The following ATXN7L1 variants were observed in gnomAD, a reference collection of about 807,000 sequenced individuals.
The protein encoded by ATXN7L1 is ataxin 7 like 1, also known as ataxin-7-like protein 1.
ATXN7L1 carries 15 observed loss-of-function variants against 70.8 expected under a neutral mutation model. The observed-to-expected ratio is 0.21, with a 90% CI of 0.14 to 0.33. The LOEUF is 0.33. Among genes scored for constraint, ATXN7L1 ranks in the 10% least tolerant of loss-of-function variants. The pLI, the probability that ATXN7L1 is intolerant of heterozygous loss-of-function variation, is 1.00. For missense variants in ATXN7L1, 975 were observed against 1,097.1 expected (o/e 0.89, Z 1.57); for synonymous variants, 440 against 445.1 (o/e 0.99, Z 0.14).
chr7:105,822,961 A>T (rs1810367612), intron 2 of ATXN7L1, among the ~76,000 whole-genome samples: 2 of 152,232 alleles, frequency 1.3e-5, no homozygotes, highest in Admixed American at 1.3e-4. Flanking sequence ...AATTAAATAC[A>T]CATACTCTTG....
chr7:105,848,547 T>C (rs146353951), intron 2 of ATXN7L1, among the ~76,000 whole-genome samples: 1 of 152,314 alleles, frequency 6.6e-6, no homozygotes, highest in East Asian at 1.9e-4. Context: ...TACAATGGAA[T>C]ACTTAATAAC....
chr7:105,623,977 A>G (rs1276385292), intron 8 of ATXN7L1, 98 bp downstream of exon 8: 10 of 1,139,070 alleles, frequency 8.8e-6, no homozygotes, highest in African/African-American at 1.6e-5. Flanking sequence ...CTGCGCAGGC[A>G]GCCTTGCCTT....
chr7:105,786,779 T>C (rs1804368408), intron 3 of ATXN7L1, among the ~76,000 whole-genome samples: 1 of 152,090 alleles, frequency 6.6e-6, no homozygotes, highest in Non-Finnish European at 1.5e-5. Context: ...CCTCCTAAAG[T>C]GCTCGGATTA....
intron 2 of ATXN7L1, among the ~76,000 whole-genome samples, chr7:105,793,245 G>C (rs1805514203): frequency 6.6e-6 from 1 of 152,186 alleles, no homozygotes; most frequent in African/African-American, 2.4e-5. Context: ...GGTGAGGTTG[G>C]GAGCAGAGGG....
intron 3 of ATXN7L1, among the ~76,000 whole-genome samples, chr7:105,754,672 C>A (rs1199932020): frequency 1.3e-5 from 2 of 152,142 alleles, no homozygotes; most frequent in Non-Finnish European, 2.9e-5. Flanking sequence ...GTTGGCCAGG[C>A]TGGTCTTGAA....
At chr7:105,677,950 C>A in intron 3 of ATXN7L1, 1 of 985,444 alleles carries the variant, frequency 1.0e-6, no homozygotes, top group East Asian at 1.1e-4. Flanking sequence ...ACTCACCCCA[C>A]AGACTGTCGT....
At chr7:105,671,014 G>A (rs1360163086) in intron 3 of ATXN7L1, among the ~76,000 whole-genome samples, 3 of 151,384 alleles carry the variant, frequency 2.0e-5, no homozygotes, top group South Asian at 2.1e-4. Flanking sequence ...GGCTGAGGCA[G>A]GAGAATGGCG....
At chr7:105,657,325 T>C (rs1225185448) in intron 4 of ATXN7L1, among the ~76,000 whole-genome samples, 1 of 151,956 alleles carries the variant, frequency 6.6e-6, no homozygotes, top group Non-Finnish European at 1.5e-5. Context: ...ACCATTGAAT[T>C]GAAAAAACCA....
Position 105,821,542 on chromosome 7 carries a change from A to G in ATXN7L1, c.251-32834T>C, listed in dbSNP as rs1585085018. ...TTGAATGGCGTAGAAGATTGATTGT[A>G]TGGGTATCAGAGAGAGGAGTCACTA... On this transcript the variant is annotated intron_variant, in intron 2 of 11. Coordinates refer to ENST00000419735, the MANE Select transcript of ATXN7L1 (RefSeq NM_020725.2). Among the ~76,000 whole-genome samples the G allele has an allele frequency of 2.6e-5, 4 of 152,196 alleles. No homozygotes were observed. The South Asian group carries it at 8.3e-4, about 31-fold the overall frequency.
chr7:105,771,201 G>A (rs868675103), intron 3 of ATXN7L1, among the ~76,000 whole-genome samples: 2 of 139,250 alleles, frequency 1.4e-5, no homozygotes, highest in Non-Finnish European at 1.5e-5. Context: ...CTCCGTCTCT[G>A]ATAATAATAA....
chr7:105,658,406 T>C (rs1478207705), intron 4 of ATXN7L1, among the ~76,000 whole-genome samples: 2 of 152,050 alleles, frequency 1.3e-5, no homozygotes, highest in South Asian at 2.1e-4. Context: ...AATTGTAATA[T>C]AAGTGTAAGT....
At chr7:105,867,013 C>T (rs1817585551) in intron 2 of ATXN7L1, among the ~76,000 whole-genome samples, 1 of 152,200 alleles carries the variant, frequency 6.6e-6, no homozygotes, top group Non-Finnish European at 1.5e-5. Context: ...GATATAAATG[C>T]AACCAACCCG....
At chr7:105,618,025 T>C in intron 9 of ATXN7L1, 1 of 456,676 alleles carries the variant, frequency 2.2e-6, no homozygotes, top group Non-Finnish European at 4.4e-6. Context: ...TGTTGCTCAG[T>C]GACAGCAGAT....
At chr7:105,870,725 T>C (rs564496800) in intron 2 of ATXN7L1, among the ~76,000 whole-genome samples, 1 of 152,274 alleles carries the variant, frequency 6.6e-6, no homozygotes, top group South Asian at 2.1e-4. Flanking sequence ...AGGAGGAAAT[T>C]ATTTGAAAAG....
intron 3 of ATXN7L1, among the ~76,000 whole-genome samples, chr7:105,677,034 C>T (rs1230668692): frequency 6.6e-6 from 1 of 152,206 alleles, no homozygotes; most frequent in African/African-American, 2.4e-5. Flanking sequence ...GCTTGCCAGG[C>T]CCCGTGGAGG....
intron 2 of ATXN7L1, among the ~76,000 whole-genome samples, chr7:105,841,439 C>A (rs1285741039): frequency 1.3e-5 from 2 of 152,234 alleles, no homozygotes; most frequent in Admixed American, 6.5e-5. Flanking sequence ...AGTGGAAAAT[C>A]CCAGAAGTAA....
At chr7:105,752,776 G>A (rs1034461061) in intron 3 of ATXN7L1, among the ~76,000 whole-genome samples, 2 of 152,164 alleles carry the variant, frequency 1.3e-5, no homozygotes, top group Admixed American at 1.3e-4. Context: ...CCTTCCTCCT[G>A]TCTGTCTTGT....
At chr7:105,754,285 CACAG>C (rs1012574945) in intron 3 of ATXN7L1, among the ~76,000 whole-genome samples, 37 of 152,292 alleles carry the variant, frequency 2.4e-4, no homozygotes, top group African/African-American at 8.7e-4. Flanking sequence ...CTGGAGAGAC[CACAG>C]ACACTTTCTC....
At chr7:105,747,712 T>C (rs1235427955) in intron 3 of ATXN7L1, among the ~76,000 whole-genome samples, 1 of 152,216 alleles carries the variant, frequency 6.6e-6, no homozygotes, top group Non-Finnish European at 1.5e-5. Flanking sequence ...TGGGATCTGA[T>C]GCGATGTCTA....
Sources: allele counts gnomAD v4.1 joint callset (sites outside exome capture counted in the v4.1 genomes callset), GRCh38; gene constraint gnomAD v4.1.1; transcripts MANE v1.5; gene names NCBI Gene and HGNC (gene_info 2026-07-23, HGNC 2026-07-21).